The following CD99L2 variants were observed in gnomAD, a reference collection of about 807,000 sequenced individuals.
CD99L2 encodes the protein CD99 molecule like 2.
A neutral mutation model predicts 27.3 loss-of-function variants in CD99L2; 24 were observed. The ratio of observed to expected loss-of-function variants is 0.88; its 90% CI spans 0.64 to 1.24. The LOEUF is 1.24. CD99L2 is among the 50% of genes most tolerant of loss of function. CD99L2 has a pLI of 0.00. For synonymous variants in CD99L2, 97 were observed against 87.9 expected (o/e 1.10, Z -0.58); for missense variants, 255 against 221.6 (o/e 1.15, Z -0.96).
At chrX:150,771,228 T>G (rs17279177) in intron 9 of CD99L2, among the ~76,000 whole-genome samples, 6,127 of 112,568 alleles carry the variant, frequency 0.054, 189 homozygotes, top group African/African-American at 0.1. Context: ...GCCATCGTCC[T>G]GGGCTACAGG....
chrX:150,846,863 G>A (rs990379073), intron 1 of CD99L2, among the ~76,000 whole-genome samples: 12 of 112,145 alleles, frequency 1.1e-4, no homozygotes, highest in African/African-American at 3.6e-4. Context: ...AAATGCACAT[G>A]GTATTTCCTT....
intron 1 of CD99L2, among the ~76,000 whole-genome samples, chrX:150,843,511 C>G (rs782718674): frequency 9.1e-6 from 1 of 109,759 alleles, no homozygotes; most frequent in Non-Finnish European, 1.9e-5. Flanking sequence ...ATTAGCTAGG[C>G]ATGGTGGCGG....
At chrX:150,774,974 T>C (rs782572813) in intron 9 of CD99L2, among the ~76,000 whole-genome samples, 108 of 112,727 alleles carry the variant, frequency 9.6e-4, no homozygotes, top group African/African-American at 3.3e-3. Context: ...AGGGTGGCCA[T>C]GAACAGTTTC....
intron 7 of CD99L2, among the ~76,000 whole-genome samples, chrX:150,783,420 A>G (rs1488067418): frequency 1.8e-5 from 2 of 111,307 alleles, no homozygotes; most frequent in African/African-American, 6.5e-5. Context: ...CCTGTGAACT[A>G]CAAGTGAGGG....
At chrX:150,864,485 G>A in intron 1 of CD99L2, among the ~76,000 whole-genome samples, 1 of 112,355 alleles carries the variant, frequency 8.9e-6, no homozygotes, top group Non-Finnish European at 1.9e-5. Context: ...GTATGAACCA[G>A]CAGTCATCCT....
chrX:150,777,288 C>T, intron 8 of CD99L2, 156 bp downstream of exon 8: 6 of 632,841 alleles, frequency 9.5e-6, no homozygotes, highest in Non-Finnish European at 1.4e-5. Flanking sequence ...CAGCTTTTTC[C>T]ATCTTTGCAG....
chrX:150,849,721 C>T (rs2046761240), intron 1 of CD99L2, among the ~76,000 whole-genome samples: 1 of 111,306 alleles, frequency 9.0e-6, no homozygotes, highest in Non-Finnish European at 1.9e-5. Flanking sequence ...AATGAGCTAG[C>T]CCTTGTATAT....
chrX:150,863,313 G>C (rs782432643), intron 1 of CD99L2, among the ~76,000 whole-genome samples: 4 of 112,247 alleles, frequency 3.6e-5, no homozygotes, highest in Non-Finnish European at 7.5e-5. Flanking sequence ...GCTTCCAGTA[G>C]GGATCAACTC....
chrX:150,861,159 A>T, intron 1 of CD99L2, among the ~76,000 whole-genome samples: 1 of 106,852 alleles, frequency 9.4e-6, no homozygotes. Context: ...AAAAAAAAAA[A>T]GAGTATCATT....
At chrX:150,825,185 GA>G (rs1274185439) in intron 2 of CD99L2, among the ~76,000 whole-genome samples, 4 of 111,912 alleles carry the variant, frequency 3.6e-5, no homozygotes, top group Non-Finnish European at 7.5e-5. Flanking sequence ...GTAAAAAAGA[GA>G]AATTACTGAA....
intron 1 of CD99L2, among the ~76,000 whole-genome samples, chrX:150,856,123 T>C (rs1005691754): frequency 1.8e-4 from 20 of 113,044 alleles, no homozygotes; most frequent in Middle Eastern, 4.6e-3. Flanking sequence ...CTTTGGCATC[T>C]GCCATTTCCT....
intron 2 of CD99L2, chrX:150,818,874 T>C (rs2046204537): frequency 2.6e-6 from 1 of 379,855 alleles, no homozygotes; most frequent in Non-Finnish European, 5.3e-6. Context: ...CTCTGAGCAC[T>C]GGAGAGAAAG....
intron 2 of CD99L2, chrX:150,828,415 C>A (rs2046394748): frequency 9.0e-6 from 1 of 111,600 alleles, no homozygotes. Flanking sequence ...GATAAGGAAA[C>A]TGAGGTGCAG....
intron 2 of CD99L2, among the ~76,000 whole-genome samples, chrX:150,816,620 C>A (rs931171546): frequency 9.9e-5 from 11 of 111,295 alleles, no homozygotes; most frequent in East Asian, 8.5e-4. Context: ...TAGTTCAACC[C>A]TTGTGGAAGT....
chrX:150,850,782 T>G (rs191059536), intron 1 of CD99L2, among the ~76,000 whole-genome samples: 1 of 111,900 alleles, frequency 8.9e-6, no homozygotes, highest in South Asian at 3.7e-4. Context: ...GTTTCTTGTA[T>G]CACAGCCAAT....
Position 150,768,824 on chromosome X carries a change from C to G in CD99L2, c.*210G>C, listed in dbSNP as rs1294265517. 1 of 892,434 alleles carries G rather than the reference C, an allele frequency of 1.1e-6. No homozygotes were observed. Among genetic ancestry groups the G allele is most frequent in the Non-Finnish European group, 1.4e-6 (1 of 703,606 alleles). The allele number at this position is 892,434 out of a possible 1,213,427, so 73.5% of individuals were successfully genotyped here. ...GGTGCTGGCTTTCTATCAGAGCTGGCTCTTGAATTTCGGCACCAAGTCTCA... is the reference window on the plus strand; with the variant it reads ...GGTGCTGGCTTTCTATCAGAGCTGGGTCTTGAATTTCGGCACCAAGTCTCA... On this transcript the variant is annotated 3_prime_UTR_variant, in exon 11 of 11. Coordinates refer to ENST00000370377, the MANE Select transcript of CD99L2 (RefSeq NM_031462.4).
chrX:150,769,314 G>GC (rs1381096227), intron 10 of CD99L2, among the ~76,000 whole-genome samples: 1 of 111,979 alleles, frequency 8.9e-6, no homozygotes, highest in African/African-American at 3.3e-5. Flanking sequence ...AAACAGCTCA[G>GC]CCTCCATCTC....
chrX:150,876,840 G>A (rs2047235052), intron 1 of CD99L2, among the ~76,000 whole-genome samples: 1 of 112,189 alleles, frequency 8.9e-6, no homozygotes, highest in Admixed American at 9.5e-5. Flanking sequence ...AATTATGTCA[G>A]TCCTCAAAAG....
chrX:150,818,658 TAAAAAAA>T, intron 2 of CD99L2: 1 of 136,759 alleles, frequency 7.3e-6, no homozygotes, highest in Non-Finnish European at 1.5e-5. Flanking sequence ...ATGCCTACAT[TAAAAAAA>T]GAGAAAGATC....
Sources: allele counts gnomAD v4.1 joint callset (sites outside exome capture counted in the v4.1 genomes callset), GRCh38; gene constraint gnomAD v4.1.1; transcripts MANE v1.5; gene names NCBI Gene and HGNC (gene_info 2026-07-23, HGNC 2026-07-21).